RAPGEF4: variants seen among roughly 807,000 people sequenced by gnomAD.
RAPGEF4 encodes RAP guanine-nucleotide-exchange factor (GEF) 4.
In RAPGEF4, 66 loss-of-function variants were observed where a neutral mutation model predicts 147.9. The ratio of observed to expected loss-of-function variants is 0.45; its 90% confidence interval spans 0.37 to 0.55. The LOEUF (loss-of-function observed/expected upper bound fraction) is 0.55, where lower values mean the gene tolerates loss of function less well. Among genes scored for constraint, RAPGEF4 ranks in the 20% least tolerant of loss-of-function variants. The pLI is 0.00. For missense variants in RAPGEF4, 1,071 were observed against 1,257.3 expected (o/e 0.85, Z 2.24); for synonymous variants, 419 against 442.7 (o/e 0.95, Z 0.67).
At chr2:172,740,372 T>C (rs1458514995) in intron 1 of RAPGEF4, among the ~76,000 whole-genome samples, 1 of 152,240 alleles carries the variant, frequency 6.6e-6, no homozygotes, top group Non-Finnish European at 1.5e-5. Context: ...AAGCAGATGA[T>C]GAAGTTAACA....
At position 172,961,127 on chromosome 2, in the gene RAPGEF4, T is replaced by G. The variant is rs200314948; in HGVS notation, c.597T>G (p.Pro199=). ...TCCACCTGATTACAATCCAGGTCCC[T>G]TCAGAGAAGATCCTCAGAGCTGGAA... The part of the protein sequence containing the change: ...LRPANTITKV[P]SEKILRAGKI... The change falls in exon 8 of 31, where the codon CCT becomes CCG. Residue 199 remains proline, a synonymous_variant. Coordinates refer to ENST00000397081, the MANE Select transcript of RAPGEF4 (RefSeq NM_007023.4). 1.3e-4 allele frequency: 209 copies of G among 1,604,166 alleles called. 1 individual carries two copies. In the African/African-American group the frequency reaches 2.3e-3, roughly 18 times the overall value.
At chr2:172,809,822 T>C (rs192832735) in intron 3 of RAPGEF4, among the ~76,000 whole-genome samples, 1 of 152,328 alleles carries the variant, frequency 6.6e-6, no homozygotes, top group Non-Finnish European at 1.5e-5. Context: ...AATGAGTGAT[T>C]CAATTCAATT....
At position 172,747,619 on chromosome 2, in the gene RAPGEF4, C is replaced by A. The variant is rs898098830; in HGVS notation, c.65+11571C>A. ...TAGCTGGGACTATAGGCACCTACCACCATGCCTGGAAAATTTTTTATTTTT... is the reference window on the plus strand; with the variant it reads ...TAGCTGGGACTATAGGCACCTACCAACATGCCTGGAAAATTTTTTATTTTT... On this transcript the variant is annotated intron_variant, in intron 1 of 30. Transcript: ENST00000397081. Among the ~76,000 whole-genome samples the A allele has an allele frequency of 2.6e-5, 4 of 152,156 alleles. No individual in the cohort carries two copies. The South Asian group carries it at 8.3e-4, about 32-fold the overall frequency.
At position 172,868,929 on chromosome 2, in the gene RAPGEF4, G is replaced by T. The variant is rs1438156618; in HGVS notation, c.445-48873G>T. Among the ~76,000 whole-genome samples the T allele has an allele frequency of 3.3e-5, 5 of 152,152 alleles. No homozygotes were observed. In the South Asian group the frequency reaches 6.2e-4, roughly 19 times the overall value. On this transcript the variant is annotated intron_variant, in intron 4 of 30. Transcript: ENST00000397081. ...GCAGGCATGTCACTGACGAGAGCTG[G>T]AGCAAGAGAGAGAAGACTGGTCTCA...
chr2:172,777,621 C>A (rs1684301915), intron 1 of RAPGEF4, among the ~76,000 whole-genome samples: 1 of 152,144 alleles, frequency 6.6e-6, no homozygotes, highest in African/African-American at 2.4e-5. Context: ...CTATGAACAA[C>A]TTTCCCTCTG....
intron 4 of RAPGEF4, among the ~76,000 whole-genome samples, chr2:172,906,067 T>C (rs1699595195): frequency 6.6e-6 from 1 of 152,034 alleles, no homozygotes; most frequent in Non-Finnish European, 1.5e-5. Context: ...CTCTGGGATT[T>C]TGGAGCCATG....
intron 25 of RAPGEF4, among the ~76,000 whole-genome samples, chr2:173,029,309 A>G (rs1335565894): frequency 6.6e-6 from 1 of 152,260 alleles, no homozygotes; most frequent in Non-Finnish European, 1.5e-5. Context: ...GATATGGTCA[A>G]TTTCGATAAC....
intron 3 of RAPGEF4, among the ~76,000 whole-genome samples, chr2:172,802,376 C>T (rs1687067617): frequency 6.6e-6 from 1 of 152,176 alleles, no homozygotes; most frequent in Non-Finnish European, 1.5e-5. Flanking sequence ...GAGCAAGTCA[C>T]ATCTTACATG....
At chr2:172,975,957 G>A (rs1191991694) in intron 10 of RAPGEF4, among the ~76,000 whole-genome samples, 1 of 151,500 alleles carries the variant, frequency 6.6e-6, no homozygotes, top group Non-Finnish European at 1.5e-5. Context: ...TTCTAAATGT[G>A]ATCAAACCAC....
At chr2:172,905,400 G>C (rs1368573734) in intron 4 of RAPGEF4, among the ~76,000 whole-genome samples, 1 of 152,194 alleles carries the variant, frequency 6.6e-6, no homozygotes, top group Admixed American at 6.5e-5. Context: ...TTATTCTGCT[G>C]TTGCTGCAGG....
chr2:172,736,197 G>C lies in RAPGEF4; in HGVS notation c.65+149G>C, dbSNP rs1429392275. ...GGGGAAGGGGTTGAGGTCCTCGTCC[G>C]GGAGACAGGAGGACAAGGATCCCCG... On this transcript the variant is annotated intron_variant, in intron 1 of 30. Coordinates refer to ENST00000397081, the MANE Select transcript of RAPGEF4 (RefSeq NM_007023.4). 8.7e-6 allele frequency: 4 copies of C among 461,118 alleles called. No individual in the cohort carries two copies. In the East Asian group the frequency reaches 1.7e-4, roughly 19 times the overall value. The allele number at this position is 461,118 out of a possible 1,614,324, so 28.6% of individuals were successfully genotyped here.
At chr2:172,835,277 A>C (rs1690800928) in intron 4 of RAPGEF4, among the ~76,000 whole-genome samples, 1 of 152,224 alleles carries the variant, frequency 6.6e-6, no homozygotes, top group Non-Finnish European at 1.5e-5. Context: ...TGCAGTTGCT[A>C]ATTGTGTTCA....
chr2:172,899,681 C>T (rs182104652), intron 4 of RAPGEF4, among the ~76,000 whole-genome samples: 62 of 152,198 alleles, frequency 4.1e-4, no homozygotes, highest in Non-Finnish European at 7.2e-4. Flanking sequence ...TGCTGGGTGG[C>T]ACCTGCAGAA....
At chr2:172,935,189 CAA>C (rs919556176) in intron 6 of RAPGEF4, among the ~76,000 whole-genome samples, 8 of 152,038 alleles carry the variant, frequency 5.3e-5, no homozygotes, top group Admixed American at 1.3e-4. Flanking sequence ...AAAAACCAAA[CAA>C]GAGAGGAAAT....
At position 172,967,252 on chromosome 2, in the gene RAPGEF4, T is replaced by C; in HGVS notation, c.821-9T>C. Reference sequence around the variant, plus strand: ...CTGCAGCTGACACGTGCTTCCATGTTTCCCATAGTGGACCAGGAGCACCAT... The same window carrying C: ...CTGCAGCTGACACGTGCTTCCATGTCTCCCATAGTGGACCAGGAGCACCAT... On this transcript the variant is annotated splice_polypyrimidine_tract_variant and intron_variant, in intron 9 of 30. Transcript: ENST00000397081. The C allele has an allele frequency of 6.2e-7, 1 of 1,609,558 alleles. No individual in the cohort carries two copies. Among genetic ancestry groups the C allele is most frequent in the East Asian group, 2.2e-5 (1 of 44,846 alleles).
chr2:172,799,684 T>TG (rs1686772749), intron 3 of RAPGEF4, among the ~76,000 whole-genome samples: 1 of 150,782 alleles, frequency 6.6e-6, no homozygotes, highest in Admixed American at 6.6e-5. Flanking sequence ...ATGGAGAGAG[T>TG]GGAGAAGCTG....
chr2:172,775,584 C>A (rs544232530), intron 1 of RAPGEF4, among the ~76,000 whole-genome samples: 1 of 152,276 alleles, frequency 6.6e-6, no homozygotes, highest in African/African-American at 2.4e-5. Flanking sequence ...ATTTTCCACA[C>A]TGAAGGGTGT....
intron 4 of RAPGEF4, among the ~76,000 whole-genome samples, chr2:172,834,122 G>GC (rs1172021094): frequency 5.9e-5 from 9 of 152,142 alleles, no homozygotes; most frequent in Non-Finnish European, 1.0e-4. Flanking sequence ...ATCACGTGCT[G>GC]TTTTTCTTGG....
intron 1 of RAPGEF4, among the ~76,000 whole-genome samples, chr2:172,786,883 A>G (rs530155480): frequency 6.6e-6 from 1 of 152,256 alleles, no homozygotes; most frequent in East Asian, 1.9e-4. Flanking sequence ...CAAGACCGCC[A>G]TCTCTAAAAA....
Sources: allele counts gnomAD v4.1 joint callset (sites outside exome capture counted in the v4.1 genomes callset), GRCh38; gene constraint gnomAD v4.1.1; transcripts MANE v1.5; gene names NCBI Gene and HGNC (gene_info 2026-07-23, HGNC 2026-07-21).